The following MYO1G variants were observed in gnomAD, a reference collection of about 807,000 sequenced individuals.
MYO1G encodes the protein unconventional myosin-Ig.
Under a neutral mutation model 115.3 loss-of-function variants are expected in MYO1G, and 65 were observed. The ratio of observed to expected loss-of-function variants is 0.56; its 90% CI spans 0.46 to 0.69. MYO1G has a LOEUF of 0.69. Ranked by LOEUF, MYO1G falls within the 30% of genes least tolerant of loss-of-function variation. The pLI, the probability that MYO1G is intolerant of heterozygous loss-of-function variation, is 0.00. For missense variants in MYO1G, 1,204 were observed against 1,393.5 expected (o/e 0.86, Z 2.16); for synonymous variants, 510 against 552.6 (o/e 0.92, Z 1.08).
intron 7 of MYO1G, 102 bp from the exon 8 acceptor site, chr7:44,971,161 G>GT: frequency 1.0e-6 from 1 of 991,494 alleles, no homozygotes; most frequent in Non-Finnish European, 1.5e-6. Flanking sequence ...CATGGATGCG[G>GT]TAGAGTACAG....
chr7:44,965,330 G>A (rs1410109101), intron 17 of MYO1G, among the ~76,000 whole-genome samples: 1 of 152,174 alleles, frequency 6.6e-6, no homozygotes, highest in Non-Finnish European at 1.5e-5. Context: ...CCTCCTTCTG[G>A]AGAACTCCTA....
intron 5 of MYO1G, chr7:44,973,003 C>T (rs188182846): frequency 6.6e-6 from 1 of 152,058 alleles, no homozygotes; most frequent in African/African-American, 2.4e-5. Flanking sequence ...AGCTCAGATT[C>T]CACAGAGACA....
intron 1 of MYO1G, among the ~76,000 whole-genome samples, chr7:44,977,441 G>C (rs1176894782): frequency 6.8e-6 from 1 of 146,788 alleles, no homozygotes; most frequent in Non-Finnish European, 1.5e-5. Context: ...GGGCAGATGG[G>C]GAGATGGGGT....
At chr7:44,968,135 G>A (rs528494399) in intron 12 of MYO1G, among the ~76,000 whole-genome samples, 177 bp from the exon 13 acceptor site, 11 of 151,956 alleles carry the variant, frequency 7.2e-5, no homozygotes, top group South Asian at 2.1e-4. Flanking sequence ...TTTCTCTTTC[G>A]TCATGTAAGA....
chr7:44,971,235 G>A (rs1403523136), intron 7 of MYO1G, among the ~76,000 whole-genome samples, 176 bp from the exon 8 acceptor site: 1 of 152,192 alleles, frequency 6.6e-6, no homozygotes, highest in African/African-American at 2.4e-5. Context: ...GAGACTGGGG[G>A]AAGGGGGCAT....
rs149320563 is a variant in MYO1G at position 44,975,620 on chromosome 7, C to T, written c.428G>A (p.Cys143Tyr). 6.2e-7 allele frequency: 1 copy of T among 1,613,212 alleles called. No individual in the cohort carries two copies. Among genetic ancestry groups the T allele is most frequent in the African/African-American group, 1.3e-5 (1 of 75,050 alleles). Reference protein sequence around the residue: ...RVKDVLLKSTCVLEAFGNART... With the variant: ...RVKDVLLKSTYVLEAFGNART... ...GGCATTGCCAAAGGCCTCCAGCACA[C>T]AGGTGGACTTGAGCAGCACGTCCTT... The change falls in exon 4 of 22, where the codon TGT becomes TAT. Residue 143 changes from cysteine (C) to tyrosine (Y), a missense_variant. Coordinates refer to ENST00000258787, the MANE Select transcript of MYO1G (RefSeq NM_033054.3).
Position 44,966,206 on chromosome 7 carries a change from A to G in MYO1G, c.2024T>C (p.Leu675Pro). The change falls in exon 16 of 22, where the codon CTG becomes CCG. Residue 675 changes from leucine (L) to proline (P), a missense_variant. Physicochemically the swap from Leu to Pro is moderately conservative, Grantham distance 98. Coordinates refer to ENST00000258787, the MANE Select transcript of MYO1G (RefSeq NM_033054.3). This position sits in a 1 kb window ranked among gnomAD's most constrained non-coding sequence, Gnocchi z 5.0. ...GSDKAAVSAL[L>P]EQHGLQGDVA... ...GTCCCCCTGCAGCCCGTGCTGCTCC[A>G]GGAGAGCGCTCACGGCTGCCTTGTC... 1 of 1,612,548 alleles carries G rather than the reference A, an allele frequency of 6.2e-7. No homozygotes were observed. The highest frequency in any genetic ancestry group is 8.5e-7 in the Non-Finnish European group (1 of 1,179,830).
rs185171868 is a variant in MYO1G, at chr7:44,966,666, C to A, written c.1949+6G>T. 6.2e-7 allele frequency: 1 copy of A among 1,613,016 alleles called. No homozygotes were observed. Among genetic ancestry groups the A allele is most frequent in the African/African-American group, 1.3e-5 (1 of 75,022 alleles). On this transcript the variant is annotated splice_donor_region_variant and intron_variant, in intron 15 of 21. Coordinates refer to ENST00000258787, the MANE Select transcript of MYO1G (RefSeq NM_033054.3). The surrounding 1 kb of genome is among the most constrained non-coding windows in gnomAD (Gnocchi z 5.0). ...CCATGGAGTGATGGGTGTCAGGTGC[C>A]AGTACCTGAGCAGGAATCGAGAGTA... is the stretch of plus-strand genomic sequence containing the variant.
intron 1 of MYO1G, 59 bp from the exon 2 acceptor site, chr7:44,977,130 T>C: frequency 6.5e-7 from 1 of 1,544,686 alleles, no homozygotes; most frequent in Non-Finnish European, 8.8e-7. Context: ...CACAGGCCTT[T>C]CGCCAGAGCC....
chr7:44,963,869 C>G lies in MYO1G; in HGVS notation c.2745+180G>C, dbSNP rs1248063252. On this transcript the variant is annotated intron_variant, in intron 20 of 21. Transcript: ENST00000258787. This position sits in a 1 kb window ranked among gnomAD's most constrained non-coding sequence, Gnocchi z 4.1. ...GTGGGGATCACAGGATGGGACCTTT[C>G]ACTCTGTGGGCGTGGGAAGCCACTG... The G allele has an allele frequency of 8.2e-6, 5 of 606,422 alleles. No individual in the cohort carries two copies. The East Asian group carries it at 1.1e-4, about 14-fold the overall frequency. The allele number at this position is 606,422 out of a possible 1,614,324, so 37.6% of individuals were successfully genotyped here. A position where few individuals can be genotyped will look rare whatever the true frequency, so the allele number is the denominator to read the frequency against.
chr7:44,963,105 G>A lies in MYO1G; in HGVS notation c.2765C>T (p.Thr922Ile), dbSNP rs1387776613. The A allele has an allele frequency of 6.6e-7, 1 of 1,507,902 alleles. No individual in the cohort carries two copies. The allele number at this position is 1,507,902 out of a possible 1,614,324, so 93.4% of individuals were successfully genotyped here. The change falls in exon 21 of 22, where the codon ACC (threonine) becomes ATC (isoleucine). Residue 922 changes from threonine to isoleucine, a missense_variant. Coordinates refer to ENST00000258787, the MANE Select transcript of MYO1G (RefSeq NM_033054.3). This position sits in a 1 kb window ranked among gnomAD's most constrained non-coding sequence, Gnocchi z 4.1. Reference sequence around the variant, plus strand: ...CACCACCAGCTGGTCTCCTCCGCTGGTCACGCTCAGCCCCGTCACCTGAGC... The same window carrying A: ...CACCACCAGCTGGTCTCCTCCGCTGATCACGCTCAGCCCCGTCACCTGAGC... ...PLEAVTGLSV[T>I]SGGDQLVVLH... is the part of the protein sequence containing the mutation.
Position 44,964,974 on chromosome 7 carries a change from G to C in MYO1G, c.2497C>G (p.Arg833Gly), listed in dbSNP as rs769773795. The C allele has an allele frequency of 6.2e-7, 1 of 1,603,146 alleles. No individual in the cohort carries two copies. The highest frequency in any genetic ancestry group is 8.5e-7 in the Non-Finnish European group (1 of 1,171,914). ...GACAGGTAGTCTCGGGCCCAGGCCC[G>C]TCGGCAGCCCCAGTCCTGACGAAGC... ...QGLRQDWGCR[R>G]AWARDYLSSA... is the part of the protein sequence containing the mutation. Residue 833 changes from arginine to glycine, a missense_variant, in exon 18 of 22, where the codon CGG (arginine) becomes GGG (glycine). Transcript: ENST00000258787. This position sits in a 1 kb window ranked among gnomAD's most constrained non-coding sequence, Gnocchi z 5.1.
chr7:44,963,681 C>T lies in MYO1G; in HGVS notation c.2745+368G>A, dbSNP rs902601769. ...GGCCACAGAGCTCGGCAGAAGGTTC[C>T]GGAGTGGCCGGGACGGTATCCCACA... On this transcript the variant is annotated intron_variant, in intron 20 of 21. Transcript: ENST00000258787. This position sits in a 1 kb window ranked among gnomAD's most constrained non-coding sequence, Gnocchi z 4.1. 2.4e-5 allele frequency: 6 copies of T among 246,734 alleles called. No individual in the cohort carries two copies. Among genetic ancestry groups the T allele is most frequent in the Non-Finnish European group, 3.9e-5 (5 of 127,380 alleles). The allele number at this position is 246,734 out of a possible 1,614,324, so 15.3% of individuals were successfully genotyped here.
chr7:44,969,929 C>T lies in MYO1G; in HGVS notation c.1333-54G>A. ...TCCCAAGGTCTTTCAGGCCACCTCCCCTCCTCCGCCCCACACTCAGCCACC... is the reference window on the plus strand; with the variant it reads ...TCCCAAGGTCTTTCAGGCCACCTCCTCTCCTCCGCCCCACACTCAGCCACC... On this transcript the variant is annotated intron_variant, in intron 10 of 21. Transcript: ENST00000258787. This position sits in a 1 kb window ranked among gnomAD's most constrained non-coding sequence, Gnocchi z 5.0. 3.8e-6 allele frequency: 6 copies of T among 1,584,986 alleles called. No individual in the cohort carries two copies. The highest frequency in any genetic ancestry group is 5.2e-6 in the Non-Finnish European group (6 of 1,164,050).
chr7:44,963,220 A>C lies in MYO1G; in HGVS notation c.2746-96T>G. 1.5e-6 allele frequency: 2 copies of C among 1,343,736 alleles called. No individual in the cohort carries two copies. Among genetic ancestry groups the C allele is most frequent in the Non-Finnish European group, 1.9e-6 (2 of 1,043,192 alleles). The allele number at this position is 1,343,736 out of a possible 1,614,324, so 83.2% of individuals were successfully genotyped here. Reference sequence around the variant, plus strand: ...CCCAGGAAGCCTCTGCCGAACCCCCAACCGCACCCGGGGAGCGCCGCCCTC... The same window carrying C: ...CCCAGGAAGCCTCTGCCGAACCCCCCACCGCACCCGGGGAGCGCCGCCCTC... On this transcript the variant is annotated intron_variant, in intron 20 of 21. Coordinates refer to ENST00000258787, the MANE Select transcript of MYO1G (RefSeq NM_033054.3). The surrounding 1 kb of genome is among the most constrained non-coding windows in gnomAD (Gnocchi z 4.1).
At chr7:44,972,402 T>C in intron 5 of MYO1G, 177 bp from the exon 6 acceptor site, 1 of 591,018 alleles carries the variant, frequency 1.7e-6, no homozygotes. Context: ...CATTCAGCTG[T>C]TCAGTGGGTC....
Position 44,965,053 on chromosome 7 carries a change from A to AG in MYO1G, c.2417dup (p.Ser807PhefsTer39), listed in dbSNP as rs781595782. On this transcript the variant is annotated frameshift_variant, in exon 18 of 22. Coordinates refer to ENST00000258787, the MANE Select transcript of MYO1G (RefSeq NM_033054.3). LOFTEE classifies it high-confidence loss of function. ...TGGCCTTGATCTGGGGCATGTCTGA[A>AG]GGGGGGATGTTCTTCACCAGCTGCC... 3 of 1,610,476 alleles carry AG rather than the reference A, an allele frequency of 1.9e-6. No homozygotes were observed. Among genetic ancestry groups the AG allele is most frequent in the South Asian group, 1.1e-5 (1 of 91,034 alleles).
intron 14 of MYO1G, among the ~76,000 whole-genome samples, chr7:44,967,144 T>C (rs1356095223): frequency 2.0e-5 from 3 of 152,184 alleles, no homozygotes; most frequent in Non-Finnish European, 4.4e-5. Flanking sequence ...CATCTCTGGA[T>C]GTTCTGTAGT....
At position 44,975,177 on chromosome 7, in the gene MYO1G, G is replaced by T. The variant is rs762667215; in HGVS notation, c.615C>A (p.Tyr205Ter). Residue 205 changes from tyrosine (Y) to a stop codon, truncating the protein, a stop_gained, in exon 5 of 22, where the codon TAC becomes TAA. Transcript: ENST00000258787. LOFTEE classifies it high-confidence loss of function. Reference sequence around the variant, plus strand: ...TCCCCTTGCCCTCAGGGCTTACTTGGTAGAAGGCGTGGAAGTTTCTTTCAC... The same window carrying T: ...TCCCCTTGCCCTCAGGGCTTACTTGTTAGAAGGCGTGGAAGTTTCTTTCAC... ...HVGERNFHAF[Y>*]QLLRGSEDKQ... 6.2e-7 allele frequency: 1 copy of T among 1,614,100 alleles called. No individual in the cohort carries two copies. The highest frequency in any genetic ancestry group is 1.1e-5 in the South Asian group (1 of 91,088).
Sources: gnomAD v4.1 joint callset for allele counts (sites outside exome capture counted in the v4.1 genomes callset) on GRCh38, gnomAD v4.1.1 for gene constraint, Gnocchi (gnomAD v3.1) non-coding constraint, MANE v1.5 for transcripts, NCBI Gene and HGNC (gene_info 2026-07-23, HGNC 2026-07-21) for gene names.